SEMA6D: variants seen among roughly 807,000 people sequenced by gnomAD.
The protein encoded by SEMA6D is semaphorin-6D.
Under a neutral mutation model 106.6 loss-of-function variants are expected in SEMA6D, and 35 were observed. The observed-to-expected ratio is 0.33, with a 90% CI of 0.25 to 0.44. SEMA6D has a LOEUF of 0.44. Among genes scored for constraint, SEMA6D ranks in the 20% least tolerant of loss-of-function variants. The pLI, the probability that SEMA6D is intolerant of heterozygous loss-of-function variation, is 1.00. For synonymous variants in SEMA6D, 499 were observed against 487.7 expected (o/e 1.02, Z -0.31); for missense variants, 1,185 against 1,345.9 (o/e 0.88, Z 1.87).
intron 1 of SEMA6D, among the ~76,000 whole-genome samples, chr15:47,353,462 ACCT>A (rs2038410610): frequency 1.3e-5 from 2 of 152,134 alleles, no homozygotes; most frequent in Non-Finnish European, 2.9e-5. Flanking sequence ...CTTGCTTTCT[ACCT>A]GGATACCTTT....
Position 47,367,729 on chromosome 15 carries a change from G to C in SEMA6D, c.-238-44664G>C, listed in dbSNP as rs112479822. Among the ~76,000 whole-genome samples, 634 of 139,732 alleles carry C rather than the reference G, an allele frequency of 4.5e-3. 4 individuals carry two copies. Among genetic ancestry groups the C allele is most frequent in the African/African-American group, 0.017 (577 of 34,646 alleles). The allele number at this position is 139,732 out of a possible 152,430, so 91.7% of individuals were successfully genotyped here. ...ACACACACACACACACACACACACA[G>C]AGAGAGAGAAAGAGAGAGAGAGTTT... On this transcript the variant is annotated intron_variant, in intron 1 of 19. Coordinates refer to the SEMA6D transcript ENST00000558014.
intron 4 of SEMA6D, among the ~76,000 whole-genome samples, chr15:47,680,202 T>A (rs1360601840): frequency 1.3e-5 from 2 of 152,208 alleles, no homozygotes; most frequent in Non-Finnish European, 2.9e-5. Context: ...CACCTGCCCG[T>A]AGCAGCTCCT....
At chr15:47,315,529 G>A (rs1293620816) in intron 1 of SEMA6D, among the ~76,000 whole-genome samples, 1 of 152,212 alleles carries the variant, frequency 6.6e-6, no homozygotes, top group Non-Finnish European at 1.5e-5. Context: ...GTTGGTCGGT[G>A]TAAGTCCTCC....
intron 1 of SEMA6D, among the ~76,000 whole-genome samples, chr15:47,387,024 G>A (rs866398800): frequency 4.5e-5 from 5 of 110,380 alleles, no homozygotes; most frequent in African/African-American, 2.8e-4. Flanking sequence ...TTCACTGCAC[G>A]GGCCCTGCTG....
At chr15:47,351,673 T>TA (rs2038331979) in intron 1 of SEMA6D, among the ~76,000 whole-genome samples, 1 of 152,282 alleles carries the variant, frequency 6.6e-6, no homozygotes, top group African/African-American at 2.4e-5. Context: ...GTTGTGTAAT[T>TA]ACCTATGACC....
intron 3 of SEMA6D, among the ~76,000 whole-genome samples, chr15:47,555,821 C>A (rs1469723680): frequency 2.0e-5 from 3 of 152,112 alleles, no homozygotes; most frequent in Non-Finnish European, 2.9e-5. Context: ...GGGTCAAATT[C>A]TCTTAGGAAA....
intron 1 of SEMA6D, among the ~76,000 whole-genome samples, chr15:47,224,182 A>G (rs1342091183): frequency 6.6e-6 from 1 of 151,626 alleles, no homozygotes; most frequent in African/African-American, 2.4e-5. Flanking sequence ...AAATAATAAA[A>G]TAAAATTAAA....
chr15:47,331,193 C>G (rs2037327863), intron 1 of SEMA6D, among the ~76,000 whole-genome samples: 1 of 152,170 alleles, frequency 6.6e-6, no homozygotes, highest in Admixed American at 6.5e-5. Flanking sequence ...CCTCAATAGT[C>G]CAAACCTTGG....
chr15:47,645,057 T>C (rs924612240), intron 4 of SEMA6D, among the ~76,000 whole-genome samples: 4 of 152,176 alleles, frequency 2.6e-5, no homozygotes, highest in Non-Finnish European at 4.4e-5. Context: ...CTGGTGAAGA[T>C]ATTGACATCA....
chr15:47,622,600 C>G lies in SEMA6D; in HGVS notation c.-55+21704C>G, dbSNP rs144371751. On this transcript the variant is annotated intron_variant, in intron 4 of 19. Transcript: ENST00000558014. ...CCCAAAACCACCATTTGGGTATGAG[C>G]AAGTTACTAAGAAAATACTCCTAGG... is the stretch of plus-strand genomic sequence containing the variant. 2.6e-3 allele frequency among the ~76,000 whole-genome samples: 402 copies of G among 152,172 alleles called. 2 individuals are homozygous for G. The highest frequency in any genetic ancestry group is 8.9e-3 in the African/African-American group (370 of 41,494).
At chr15:47,757,110 C>G (rs527543666) in intron 1 of SEMA6D, among the ~76,000 whole-genome samples, 1 of 152,128 alleles carries the variant, frequency 6.6e-6, no homozygotes, top group Admixed American at 6.5e-5. Context: ...ATCCTCAGCC[C>G]CAGTGCTGGG....
At chr15:47,227,880 A>T (rs146481806) in intron 1 of SEMA6D, among the ~76,000 whole-genome samples, 9,903 of 140,300 alleles carry the variant, frequency 0.071, 1,317 homozygotes, top group East Asian at 0.62. Flanking sequence ...ATATATAAGA[A>T]TCATATATAT....
intron 3 of SEMA6D, among the ~76,000 whole-genome samples, chr15:47,474,179 G>A (rs190268131): frequency 6.6e-6 from 1 of 152,142 alleles, no homozygotes; most frequent in Non-Finnish European, 1.5e-5. Flanking sequence ...CTTGCTTTTG[G>A]ACTCATGGAG....
intron 4 of SEMA6D, among the ~76,000 whole-genome samples, chr15:47,634,340 G>A (rs1004572851): frequency 2.0e-5 from 3 of 152,124 alleles, no homozygotes; most frequent in African/African-American, 7.2e-5. Context: ...TGATTGTCTT[G>A]AGTTGAGGTA....
intron 1 of SEMA6D, among the ~76,000 whole-genome samples, chr15:47,185,063 C>T (rs1180853528): frequency 1.3e-5 from 2 of 152,150 alleles, no homozygotes; most frequent in East Asian, 1.9e-4. Context: ...CGGGCTTGCG[C>T]GCGGCCGGCG....
chr15:47,397,197 G>A (rs910855931), intron 1 of SEMA6D, among the ~76,000 whole-genome samples: 56 of 152,314 alleles, frequency 3.7e-4, no homozygotes, highest in African/African-American at 1.3e-3. Flanking sequence ...TTAGACATCT[G>A]TGTAGACAAC....
chr15:47,320,350 T>TA (rs577536347), intron 1 of SEMA6D, among the ~76,000 whole-genome samples: 46 of 152,350 alleles, frequency 3.0e-4, no homozygotes, highest in African/African-American at 1.1e-3. Context: ...CTCTCTATTG[T>TA]AAAGAGTCTG....
chr15:47,532,430 A>G (rs1370978782), intron 3 of SEMA6D, among the ~76,000 whole-genome samples: 2 of 152,152 alleles, frequency 1.3e-5, no homozygotes, highest in African/African-American at 4.8e-5. Flanking sequence ...TCTGCTGTGC[A>G]TTTGACATAT....
At chr15:47,510,411 C>T (rs1353886399) in intron 3 of SEMA6D, among the ~76,000 whole-genome samples, 1 of 152,170 alleles carries the variant, frequency 6.6e-6, no homozygotes, top group Admixed American at 6.5e-5. Flanking sequence ...CTGGGGACCA[C>T]TGCTGTAATC....
Sources: gnomAD v4.1 joint callset for allele counts (sites outside exome capture counted in the v4.1 genomes callset) on GRCh38, gnomAD v4.1.1 for gene constraint, MANE v1.5 for transcripts, NCBI Gene and HGNC (gene_info 2026-07-23, HGNC 2026-07-21) for gene names.